TMPRSS4: variants seen among roughly 807,000 people sequenced by gnomAD.
The protein encoded by TMPRSS4 is transmembrane protease serine 4.
In TMPRSS4, 45 loss-of-function variants were observed where a neutral mutation model predicts 56.4. The observed-to-expected ratio is 0.80, with a 90% confidence interval of 0.63 to 1.02. TMPRSS4 has a LOEUF of 1.02. Among genes scored for constraint, TMPRSS4 ranks in the 50% least tolerant of loss-of-function variants. The pLI is 0.00. For missense variants in TMPRSS4, 546 were observed against 556.7 expected, an observed-to-expected ratio of 0.98 and a Z score of 0.19; for synonymous variants, 205 against 211.0, an observed-to-expected ratio of 0.97 and a Z score of 0.25.
chr11:118,078,644 T>G (rs1944881116), intron 1 of TMPRSS4, among the ~76,000 whole-genome samples: 2 of 152,086 alleles, frequency 1.3e-5, no homozygotes, highest in African/African-American at 4.8e-5. Context: ...CTGTGGAGTC[T>G]ACCTAGCTGT....
chr11:118,079,828 A>G (rs568728474), intron 1 of TMPRSS4, among the ~76,000 whole-genome samples: 2 of 152,338 alleles, frequency 1.3e-5, no homozygotes, highest in African/African-American at 4.8e-5. Context: ...ACTGGGGCAC[A>G]GAATCCAGAA....
At chr11:118,080,773 C>T (rs773800227) in intron 1 of TMPRSS4, among the ~76,000 whole-genome samples, 37 of 152,292 alleles carry the variant, frequency 2.4e-4, no homozygotes, top group Admixed American at 5.2e-4. Flanking sequence ...GCCCCAGAAA[C>T]GCCCCAGGGC....
chr11:118,117,359 A>G lies in TMPRSS4; in HGVS notation c.1207A>G (p.Ile403Val), dbSNP rs1287228416. The change falls in exon 12 of 13, where the codon ATC becomes GTC. Residue 403 changes from isoleucine (I) to valine (V), a missense_variant. Physicochemically the swap from Ile to Val is conservative, Grantham distance 29. Coordinates refer to ENST00000437212, the MANE Select transcript of TMPRSS4 (RefSeq NM_019894.4). ...ATCTGACCAGTGGCATGTGGTGGGC[A>G]TCGTTAGTTGGGGCTATGGCTGCGG... is the stretch of plus-strand genomic sequence containing the variant. The part of the protein sequence containing the change: ...YQSDQWHVVG[I>V]VSWGYGCGGP... 1.2e-6 allele frequency: 2 copies of G among 1,614,126 alleles called. No individual in the cohort carries two copies. The highest frequency in any genetic ancestry group is 1.7e-6 in the Non-Finnish European group (2 of 1,179,994).
At chr11:118,104,665 T>A in intron 4 of TMPRSS4, 26 bp from the exon 5 acceptor site, 1 of 1,613,982 alleles carries the variant, frequency 6.2e-7, no homozygotes, top group Non-Finnish European at 8.5e-7. Flanking sequence ...CCCCGTTCCA[T>A]CTAACTCAGG....
At chr11:118,096,824 AG>A (rs1425638079) in intron 2 of TMPRSS4, among the ~76,000 whole-genome samples, 4,601 of 18,442 alleles carry the variant, frequency 0.25, 1,720 homozygotes, top group Non-Finnish European at 0.31. Flanking sequence ...AGAAAGAAAG[AG>A]AGAAAGAAAG....
intron 2 of TMPRSS4, among the ~76,000 whole-genome samples, chr11:118,097,749 T>G (rs980978663): frequency 6.6e-6 from 1 of 152,048 alleles, no homozygotes; most frequent in African/African-American, 2.4e-5. Flanking sequence ...CCAATCCACC[T>G]CCTCCCTGAT....
At chr11:118,103,388 G>GTTTGTTTGTTTT in intron 4 of TMPRSS4, 135 bp downstream of exon 4, 1 of 1,132,472 alleles carries the variant, frequency 8.8e-7, no homozygotes, top group South Asian at 1.8e-5. Context: ...TTGTTTGTTT[G>GTTTGTTTGTTTT]TTTGTTGTTG....
At chr11:118,101,057 C>A (rs1946705074) in intron 3 of TMPRSS4, among the ~76,000 whole-genome samples, 1 of 152,146 alleles carries the variant, frequency 6.6e-6, no homozygotes, top group South Asian at 2.1e-4. Context: ...ATATCTAGCT[C>A]CTCCTTCTCC....
At chr11:118,103,765 T>C (rs1946853136) in intron 4 of TMPRSS4, among the ~76,000 whole-genome samples, 1 of 152,198 alleles carries the variant, frequency 6.6e-6, no homozygotes, top group South Asian at 2.1e-4. Context: ...AACTATTTGA[T>C]GACCAAATGT....
intron 3 of TMPRSS4, among the ~76,000 whole-genome samples, chr11:118,101,535 G>A (rs770220198): frequency 3.9e-5 from 6 of 152,066 alleles, no homozygotes; most frequent in Non-Finnish European, 7.4e-5. Flanking sequence ...GAGTGTAATC[G>A]TGTGATCACC....
At chr11:118,081,943 A>G (rs1164077390) in intron 1 of TMPRSS4, among the ~76,000 whole-genome samples, 1 of 152,068 alleles carries the variant, frequency 6.6e-6, no homozygotes, top group African/African-American at 2.4e-5. Flanking sequence ...TCACTCACTC[A>G]CTGATGTCCA....
At chr11:118,082,596 A>G (rs960899595) in intron 1 of TMPRSS4, among the ~76,000 whole-genome samples, 1 of 151,826 alleles carries the variant, frequency 6.6e-6, no homozygotes, top group Non-Finnish European at 1.5e-5. Context: ...TTGAGGCTCA[A>G]AGAGGTTCAT....
chr11:118,098,231 C>G (rs1946518988), intron 2 of TMPRSS4, among the ~76,000 whole-genome samples: 1 of 152,246 alleles, frequency 6.6e-6, no homozygotes, highest in South Asian at 2.1e-4. Context: ...TGCCTTTATT[C>G]CCCTGGTACC....
In TMPRSS4 at chr11:118,103,229, T is replaced by C. The variant is rs200746355; in HGVS notation, c.286T>C (p.Phe96Leu). Residue 96 changes from phenylalanine (F) to leucine (L), a missense_variant, in exon 4 of 13, where the codon TTC becomes CTC. By Grantham distance (22) the Phe-to-Leu change is conservative. Transcript: ENST00000437212. ...GEDEEHCVKS[F>L]PEGPAVAVRL... Reference sequence around the variant, plus strand: ...GGACGAGGAGCACTGTGTCAAGAGCTTCCCCGAAGGGCCTGCAGTGGCAGG... The same window carrying C: ...GGACGAGGAGCACTGTGTCAAGAGCCTCCCCGAAGGGCCTGCAGTGGCAGG... 2.7e-4 allele frequency: 433 copies of C among 1,613,856 alleles called. No homozygotes were observed. The highest frequency in any genetic ancestry group is 3.5e-4 in the Non-Finnish European group (410 of 1,179,974).
chr11:118,117,358 C>T lies in TMPRSS4; in HGVS notation c.1206C>T (p.Gly402=), dbSNP rs1225909327. The change falls in exon 12 of 13, where the codon GGC becomes GGT. Residue 402 remains glycine (G), a synonymous_variant. Transcript: ENST00000437212. The part of the protein sequence containing the change: ...MYQSDQWHVV[G]IVSWGYGCGG... ...AATCTGACCAGTGGCATGTGGTGGG[C>T]ATCGTTAGTTGGGGCTATGGCTGCG... The T allele has an allele frequency of 6.2e-7, 1 of 1,614,122 alleles. No homozygotes were observed. Among genetic ancestry groups the T allele is most frequent in the Admixed American group, 1.7e-5 (1 of 60,018 alleles).
In TMPRSS4 at chr11:118,117,355, G is replaced by A. The variant is rs756771698; in HGVS notation, c.1203G>A (p.Val401=). ...LMYQSDQWHV[V]GIVSWGYGCG... Reference sequence around the variant, plus strand: ...ACCAATCTGACCAGTGGCATGTGGTGGGCATCGTTAGTTGGGGCTATGGCT... The same window carrying A: ...ACCAATCTGACCAGTGGCATGTGGTAGGCATCGTTAGTTGGGGCTATGGCT... The change falls in exon 12 of 13, where the codon GTG becomes GTA. Residue 401 remains valine, a synonymous_variant. Coordinates refer to ENST00000437212, the MANE Select transcript of TMPRSS4 (RefSeq NM_019894.4). 134 of 1,614,030 alleles carry A rather than the reference G, an allele frequency of 8.3e-5. No individual in the cohort carries two copies. Among genetic ancestry groups the A allele is most frequent in the Middle Eastern group, 8.2e-4 (5 of 6,082 alleles).
At chr11:118,078,686 A>T (rs1293276596) in intron 1 of TMPRSS4, among the ~76,000 whole-genome samples, 4 of 151,938 alleles carry the variant, frequency 2.6e-5, no homozygotes, top group Non-Finnish European at 5.9e-5. Context: ...CACTGAGGAG[A>T]CCTGGGGTGT....
rs757437273 is a variant in TMPRSS4 at position 118,078,839 on chromosome 11, G to A, written c.3+1534G>A. The stretch of plus-strand genomic sequence containing the variant: ...GAGACTCACCTTCTCCCCTGCCCAC[G>A]GAAACGATATGACCCACAACAGCCC... On this transcript the variant is annotated intron_variant, in intron 1 of 12. Transcript: ENST00000437212. Among the ~76,000 whole-genome samples the A allele has an allele frequency of 3.0e-4, 45 of 152,214 alleles. 1 individual carries two copies. The Middle Eastern group carries it at 0.014, about 46-fold the overall frequency.
At chr11:118,091,382 C>T (rs1945949977) in intron 1 of TMPRSS4, among the ~76,000 whole-genome samples, 1 of 152,126 alleles carries the variant, frequency 6.6e-6, no homozygotes, top group African/African-American at 2.4e-5. Flanking sequence ...CCATCCTGAG[C>T]CCCTCCCTAG....
Sources: allele counts gnomAD v4.1 joint callset (sites outside exome capture counted in the v4.1 genomes callset), GRCh38; gene constraint gnomAD v4.1.1; transcripts MANE v1.5; gene names NCBI Gene and HGNC (gene_info 2026-07-23, HGNC 2026-07-21).